PRKN: variants seen among roughly 807,000 people sequenced by gnomAD.
PRKN encodes the protein parkin RBR E3 ubiquitin protein ligase.
In PRKN, 56 loss-of-function variants were observed where a neutral mutation model predicts 59.5. The observed-to-expected ratio is 0.94, with a 90% CI of 0.76 to 1.18. The LOEUF is 1.18. Among genes scored for constraint, PRKN ranks in the 50% most tolerant of loss-of-function variants. PRKN has a pLI of 0.00. For missense variants in PRKN, 657 were observed against 596.4 expected (o/e 1.10, Z -1.06); for synonymous variants, 250 against 222.1 (o/e 1.13, Z -1.12).
chr6:161,862,773 A>C (rs1223810726), intron 6 of PRKN, among the ~76,000 whole-genome samples: 5 of 152,234 alleles, frequency 3.3e-5, no homozygotes, highest in Admixed American at 3.3e-4. Context: ...AGCCATTCAG[A>C]GGTAAGAAGG....
intron 1 of PRKN, among the ~76,000 whole-genome samples, chr6:162,600,027 C>T (rs1456031885): frequency 1.3e-5 from 2 of 152,074 alleles, no homozygotes; most frequent in Non-Finnish European, 2.9e-5. Context: ...TGTACAATTC[C>T]TAAGTGTTCA....
intron 4 of PRKN, among the ~76,000 whole-genome samples, chr6:162,108,359 G>A (rs990185102): frequency 2.0e-5 from 3 of 152,032 alleles, no homozygotes; most frequent in Admixed American, 6.6e-5. Context: ...AGGAATCAGC[G>A]CACTTCACTA....
chr6:162,584,923 T>TC (rs1780984416), intron 1 of PRKN, among the ~76,000 whole-genome samples: 1 of 134,260 alleles, frequency 7.4e-6, no homozygotes, highest in Non-Finnish European at 1.6e-5. Flanking sequence ...TCTTTTCTTT[T>TC]TGAGATGGAG....
intron 6 of PRKN, among the ~76,000 whole-genome samples, chr6:161,877,854 G>C (rs1794793403): frequency 1.3e-5 from 2 of 152,046 alleles, no homozygotes; most frequent in South Asian, 4.2e-4. Context: ...ATGGCATGTG[G>C]GGTGGACAGG....
chr6:161,699,046 A>C (rs1274957755), intron 7 of PRKN, among the ~76,000 whole-genome samples: 2 of 152,160 alleles, frequency 1.3e-5, no homozygotes, highest in African/African-American at 4.8e-5. Flanking sequence ...TCAATAATAA[A>C]AGTGTAATTA....
intron 2 of PRKN, among the ~76,000 whole-genome samples, chr6:162,380,412 T>TAC (rs1385990700): frequency 1.0e-5 from 1 of 99,874 alleles, no homozygotes; most frequent in Non-Finnish European, 2.0e-5. Flanking sequence ...TATATATATA[T>TAC]ACACACATAT....
intron 1 of PRKN, among the ~76,000 whole-genome samples, chr6:162,562,068 G>A (rs1343971264): frequency 2.0e-5 from 3 of 152,112 alleles, no homozygotes; most frequent in African/African-American, 7.2e-5. Flanking sequence ...AGATGGAGGA[G>A]TAGGGAGGAC....
At chr6:162,357,567 G>A (rs1051605906) in intron 2 of PRKN, among the ~76,000 whole-genome samples, 2 of 152,158 alleles carry the variant, frequency 1.3e-5, no homozygotes, top group African/African-American at 4.8e-5. Context: ...GACCAGTTTG[G>A]AAGATAGTTT....
At chr6:162,083,861 C>T (rs759288625) in intron 4 of PRKN, among the ~76,000 whole-genome samples, 4 of 151,856 alleles carry the variant, frequency 2.6e-5, no homozygotes, top group Admixed American at 2.0e-4. Flanking sequence ...TATCTGTAAC[C>T]CATATATGAA....
rs1414311614 is a variant in PRKN at position 161,349,256 on chromosome 6, A to G, written c.*843T>C. 4.5e-6 allele frequency: 1 copy of G among 224,252 alleles called. No individual in the cohort carries two copies. Among genetic ancestry groups the G allele is most frequent in the Non-Finnish European group, 8.9e-6 (1 of 112,590 alleles). The allele number at this position is 224,252 out of a possible 1,614,324, so 13.9% of individuals were successfully genotyped here. On this transcript the variant is annotated 3_prime_UTR_variant, in exon 12 of 12. Transcript: ENST00000366898. The surrounding 1 kb of genome is among the most constrained non-coding windows in gnomAD (Gnocchi z 5.5). ...GCCAAATGTATTAGCAAAATCTCCA[A>G]GTTGCAAAATGAATACTCAGAATCA...
chr6:162,472,644 C>T (rs1420981185), intron 1 of PRKN, among the ~76,000 whole-genome samples: 3 of 125,600 alleles, frequency 2.4e-5, no homozygotes, highest in Admixed American at 8.4e-5. Flanking sequence ...CCCGCCACCA[C>T]GCCCGGCTAA....
intron 3 of PRKN, among the ~76,000 whole-genome samples, chr6:162,213,804 TACACACACACACACAC>T (rs58192789): frequency 0.026 from 3,250 of 126,620 alleles, 108 homozygotes; most frequent in African/African-American, 0.076. Context: ...AAAAAAACCA[TACACACACACACACAC>T]ACACACACAC....
At chr6:162,520,631 G>A (rs903005599) in intron 1 of PRKN, among the ~76,000 whole-genome samples, 1 of 152,126 alleles carries the variant, frequency 6.6e-6, no homozygotes, top group Non-Finnish European at 1.5e-5. Context: ...ACAAAGATGG[G>A]CAAGAGAGAC....
chr6:161,765,487 T>C (rs1789386245), intron 7 of PRKN, among the ~76,000 whole-genome samples: 2 of 152,216 alleles, frequency 1.3e-5, no homozygotes, highest in African/African-American at 2.4e-5. Flanking sequence ...AAGTTAGCTG[T>C]TGTTGATTTA....
chr6:162,558,742 G>T (rs1022612537), intron 1 of PRKN, among the ~76,000 whole-genome samples: 1 of 151,858 alleles, frequency 6.6e-6, no homozygotes, highest in Admixed American at 6.6e-5. Context: ...AGGCTCAAGC[G>T]ATTCTTCTGC....
intron 1 of PRKN, among the ~76,000 whole-genome samples, chr6:162,465,195 C>T (rs1249032455): frequency 6.6e-6 from 1 of 152,218 alleles, no homozygotes; most frequent in Non-Finnish European, 1.5e-5. Context: ...GAAATCAACT[C>T]TGTCCAAGCT....
chr6:162,416,777 T>C (rs1337405462), intron 2 of PRKN, among the ~76,000 whole-genome samples: 1 of 152,224 alleles, frequency 6.6e-6, no homozygotes, highest in African/African-American at 2.4e-5. Flanking sequence ...CAAAGCATTT[T>C]ATCTCATTTT....
chr6:161,913,170 GAA>G (rs762633376), intron 6 of PRKN, among the ~76,000 whole-genome samples: 7 of 86,604 alleles, frequency 8.1e-5, no homozygotes, highest in South Asian at 3.8e-4. Context: ...TCCATCTCAG[GAA>G]AAAAAAAAAA....
intron 1 of PRKN, among the ~76,000 whole-genome samples, chr6:162,586,686 A>G (rs1241938756): frequency 6.6e-6 from 1 of 152,222 alleles, no homozygotes; most frequent in Admixed American, 6.5e-5. Flanking sequence ...AGAGCCAAAC[A>G]GTATTTCTAA....
Sources: gnomAD v4.1 joint callset for allele counts (sites outside exome capture counted in the v4.1 genomes callset) on GRCh38, gnomAD v4.1.1 for gene constraint, Gnocchi (gnomAD v3.1) non-coding constraint, MANE v1.5 for transcripts, NCBI Gene and HGNC (gene_info 2026-07-23, HGNC 2026-07-21) for gene names.